DPYSL3: variants seen among roughly 807,000 people sequenced by gnomAD.
DPYSL3 encodes dihydropyrimidinase-related protein 3.
In DPYSL3, 16 loss-of-function variants were observed where a neutral mutation model predicts 66.1. The ratio of observed to expected loss-of-function variants is 0.24; its 90% CI spans 0.16 to 0.37. DPYSL3 has a LOEUF of 0.37. Among genes scored for constraint, DPYSL3 ranks in the 10% least tolerant of loss-of-function variants. DPYSL3 has a pLI of 1.00. For synonymous variants in DPYSL3, 338 were observed against 345.1 expected (o/e 0.98, Z 0.23); for missense variants, 738 against 916.2 (o/e 0.81, Z 2.51).
At chr5:147,443,292 A>G (rs1752568550) in intron 1 of DPYSL3, among the ~76,000 whole-genome samples, 1 of 152,250 alleles carries the variant, frequency 6.6e-6, no homozygotes, top group African/African-American at 2.4e-5. Flanking sequence ...ATGGAATACT[A>G]TGCAGCCATA....
chr5:147,466,549 G>T (rs1255984396), intron 1 of DPYSL3, among the ~76,000 whole-genome samples: 1 of 152,136 alleles, frequency 6.6e-6, no homozygotes, highest in African/African-American at 2.4e-5. Flanking sequence ...TGAATCTTCA[G>T]TTAAGTGCAG....
At chr5:147,419,676 G>C (rs1752042695) in intron 2 of DPYSL3, among the ~76,000 whole-genome samples, 1 of 152,146 alleles carries the variant, frequency 6.6e-6, no homozygotes, top group African/African-American at 2.4e-5. Context: ...GGACAGCCAA[G>C]AAAGACACTC....
chr5:147,471,417 A>G (rs1041037318), intron 1 of DPYSL3, among the ~76,000 whole-genome samples: 10 of 152,096 alleles, frequency 6.6e-5, no homozygotes, highest in African/African-American at 2.2e-4. Flanking sequence ...CTAATCCTCT[A>G]TTTACATTAG....
intron 1 of DPYSL3, among the ~76,000 whole-genome samples, chr5:147,448,176 G>A (rs1276037467): frequency 1.6e-4 from 24 of 151,926 alleles, no homozygotes; most frequent in South Asian, 2.1e-4. Context: ...TAAAAAACGA[G>A]TTATGAAGAA....
intron 1 of DPYSL3, among the ~76,000 whole-genome samples, chr5:147,440,542 C>A (rs931641691): frequency 9.2e-5 from 14 of 152,282 alleles, no homozygotes; most frequent in Admixed American, 5.9e-4. Context: ...GATGTCTTCA[C>A]GGCCCACGGC....
intron 1 of DPYSL3, among the ~76,000 whole-genome samples, chr5:147,485,707 G>C (rs1753319499): frequency 6.6e-6 from 1 of 152,108 alleles, no homozygotes; most frequent in South Asian, 2.1e-4. Flanking sequence ...TGAGCAGGAT[G>C]GTAGGTTGGA....
intron 1 of DPYSL3, among the ~76,000 whole-genome samples, chr5:147,445,484 G>A (rs992500292): frequency 6.6e-6 from 1 of 152,184 alleles, no homozygotes; most frequent in African/African-American, 2.4e-5. Context: ...GTAGGTAAGT[G>A]TTAAATATAT....
At chr5:147,475,595 A>G (rs1753144979) in intron 1 of DPYSL3, among the ~76,000 whole-genome samples, 1 of 152,174 alleles carries the variant, frequency 6.6e-6, no homozygotes, top group Non-Finnish European at 1.5e-5. Context: ...TCAAAGGAAT[A>G]GAAAGAATAC....
At chr5:147,460,432 G>A (rs1339278550) in intron 1 of DPYSL3, among the ~76,000 whole-genome samples, 1 of 152,182 alleles carries the variant, frequency 6.6e-6, no homozygotes, top group African/African-American at 2.4e-5. Flanking sequence ...TTCCCCAAAA[G>A]GTCCATGTCC....
At chr5:147,423,081 A>C (rs1396289621) in intron 2 of DPYSL3, among the ~76,000 whole-genome samples, 1 of 152,198 alleles carries the variant, frequency 6.6e-6, no homozygotes, top group Non-Finnish European at 1.5e-5. Flanking sequence ...TTTGGTAACA[A>C]ATTTTTCCCA....
At chr5:147,490,996 T>G (rs147540828) in intron 1 of DPYSL3, among the ~76,000 whole-genome samples, 2 of 152,150 alleles carry the variant, frequency 1.3e-5, no homozygotes, top group Non-Finnish European at 2.9e-5. Flanking sequence ...AGGAACCATT[T>G]TGAAATACAT....
At chr5:147,418,736 T>C (rs984371543) in intron 2 of DPYSL3, 105 bp from the exon 3 acceptor site, 4 of 1,036,108 alleles carry the variant, frequency 3.9e-6, no homozygotes, top group Non-Finnish European at 5.5e-6. Context: ...GTGTTACTTG[T>C]ATTTATCAAA....
chr5:147,421,200 A>G (rs1752070236), intron 2 of DPYSL3, among the ~76,000 whole-genome samples: 1 of 152,248 alleles, frequency 6.6e-6, no homozygotes, highest in Non-Finnish European at 1.5e-5. Flanking sequence ...AAAAATCACA[A>G]GCATTCCTAT....
rs2288800 is a variant in DPYSL3, at chr5:147,413,277, C to T, written c.882+319G>A. Among the ~76,000 whole-genome samples, 2,287 of 152,218 alleles carry T rather than the reference C, an allele frequency of 0.015. 132 individuals carry two copies. The East Asian group carries it at 0.19, about 13-fold the overall frequency. On this transcript the variant is annotated intron_variant, in intron 5 of 13. Transcript: ENST00000343218. Reference sequence around the variant, plus strand: ...CAGAAGGCCCTCCTGGTCCTGCAGGCGAAGAGCCTCACACTTTCACTGGGC... The same window carrying T: ...CAGAAGGCCCTCCTGGTCCTGCAGGTGAAGAGCCTCACACTTTCACTGGGC...
intron 1 of DPYSL3, among the ~76,000 whole-genome samples, chr5:147,483,027 C>A (rs1407263578): frequency 6.6e-6 from 1 of 152,216 alleles, no homozygotes; most frequent in African/African-American, 2.4e-5. Context: ...TCGCTTCCCA[C>A]CAGATCTCTC....
Position 147,393,618 on chromosome 5 carries a change from A to G in DPYSL3, c.*417T>C, listed in dbSNP as rs947812458. 2.2e-4 allele frequency: 38 copies of G among 176,110 alleles called. No individual in the cohort carries two copies. The highest frequency in any genetic ancestry group is 9.5e-4 in the African/African-American group (37 of 39,120). The allele number at this position is 176,110 out of a possible 1,614,324, so 10.9% of individuals were successfully genotyped here. A position where few individuals can be genotyped will look rare whatever the true frequency, so the allele number is the denominator to read the frequency against. On this transcript the variant is annotated 3_prime_UTR_variant, in exon 14 of 14. Transcript: ENST00000343218. ...ACATGCCCTACCCCAGCCCCTCTGCACCCTCCACCTTGCTCCAGGCTCCCA... is the reference window on the plus strand; with the variant it reads ...ACATGCCCTACCCCAGCCCCTCTGCGCCCTCCACCTTGCTCCAGGCTCCCA...
chr5:147,414,229 G>A (rs908431453), intron 4 of DPYSL3, among the ~76,000 whole-genome samples: 2 of 152,346 alleles, frequency 1.3e-5, no homozygotes, highest in East Asian at 3.9e-4. Flanking sequence ...CCTGGGATCA[G>A]TTCATTTTAC....
At chr5:147,468,556 G>T (rs563777933) in intron 1 of DPYSL3, among the ~76,000 whole-genome samples, 2 of 152,096 alleles carry the variant, frequency 1.3e-5, no homozygotes, top group African/African-American at 4.8e-5. Context: ...TATTTTAACA[G>T]GTCCAAGCTC....
At chr5:147,414,120 C>G (rs1022016468) in intron 4 of DPYSL3, among the ~76,000 whole-genome samples, 1 of 152,130 alleles carries the variant, frequency 6.6e-6, no homozygotes, top group African/African-American at 2.4e-5. Flanking sequence ...AATAACAATA[C>G]CCTACTTCAT....
Sources: allele counts gnomAD v4.1 joint callset (sites outside exome capture counted in the v4.1 genomes callset), GRCh38; gene constraint gnomAD v4.1.1; transcripts MANE v1.5; gene names NCBI Gene and HGNC (gene_info 2026-07-23, HGNC 2026-07-21).